Variants in AFF3 observed in about 807,000 individuals in gnomAD.
AFF3 encodes the protein AF4/FMR2 family member 3.
Under a neutral mutation model 129.7 loss-of-function variants are expected in AFF3, and 32 were observed. The observed-to-expected ratio is 0.25, with a 90% CI of 0.19 to 0.33. The LOEUF (loss-of-function observed/expected upper bound fraction) is 0.33. Among genes scored for constraint, AFF3 ranks in the 10% least tolerant of loss-of-function variants. The pLI is 1.00. For synonymous variants in AFF3, 644 were observed against 635.4 expected (o/e 1.01, Z -0.20); for missense variants, 1,373 against 1,592.0 (o/e 0.86, Z 2.34).
intron 7 of AFF3, among the ~76,000 whole-genome samples, chr2:99,979,746 G>A (rs572345908): frequency 1.5e-4 from 23 of 152,228 alleles, no homozygotes; most frequent in African/African-American, 5.3e-4. Flanking sequence ...GCCTCCCAAA[G>A]CACTGGGATT....
intron 7 of AFF3, among the ~76,000 whole-genome samples, chr2:99,947,604 AT>A (rs1559000297): frequency 0.17 from 7,246 of 42,268 alleles, 219 homozygotes; most frequent in Middle Eastern, 0.26. Context: ...AGAAAGAAAG[AT>A]AGATAGATAG....
chr2:99,698,062 GC>G (rs1676476584), intron 11 of AFF3, among the ~76,000 whole-genome samples: 1 of 152,008 alleles, frequency 6.6e-6, no homozygotes, highest in Non-Finnish European at 1.5e-5. Context: ...GTAGAATTGG[GC>G]CACTGCAGAG....
In AFF3 at chr2:99,713,557, T is replaced by C. The variant is rs1318423202; in HGVS notation, c.1091+13520A>G. ...GCTAGGATTACAGACAATTAAAATT[T>C]TAAAAAATTAAATTAAAAAATATTT... On this transcript the variant is annotated intron_variant, in intron 11 of 24. Coordinates refer to ENST00000672756, the MANE Select transcript of AFF3 (RefSeq NM_001386135.1). Among the ~76,000 whole-genome samples, 13 of 150,140 alleles carry C rather than the reference T, an allele frequency of 8.7e-5. 1 individual carries two copies. The highest frequency in any genetic ancestry group is 8.6e-4 in the Admixed American group (13 of 15,042).
At chr2:99,697,121 A>G (rs1053410301) in intron 11 of AFF3, among the ~76,000 whole-genome samples, 1 of 152,224 alleles carries the variant, frequency 6.6e-6, no homozygotes, top group Admixed American at 6.5e-5. Context: ...ATCTCAGTCC[A>G]GGGCAAAAAG....
chr2:99,999,841 A>G (rs1317194678), intron 7 of AFF3, among the ~76,000 whole-genome samples: 1 of 152,214 alleles, frequency 6.6e-6, no homozygotes, highest in Non-Finnish European at 1.5e-5. Context: ...TTCCAGCTCT[A>G]GAACCCACAC....
chr2:99,600,270 G>A (rs2105062667), intron 14 of AFF3, among the ~76,000 whole-genome samples: 1 of 152,280 alleles, frequency 6.6e-6, no homozygotes, highest in South Asian at 2.1e-4. Flanking sequence ...GGGCAGAAAG[G>A]TGCTGAGGAG....
chr2:100,037,522 TTATTTATATATAAA>T (rs1282602367), intron 4 of AFF3, among the ~76,000 whole-genome samples: 29 of 16,502 alleles, frequency 1.8e-3, no homozygotes, highest in African/African-American at 8.8e-3. Context: ...ATTTTATATA[TTATTTATATATAAA>T]TATATATTTA....
At chr2:100,137,257 T>A (rs1692674516) in intron 1 of AFF3, among the ~76,000 whole-genome samples, 2 of 152,216 alleles carry the variant, frequency 1.3e-5, no homozygotes, top group Non-Finnish European at 2.9e-5. Flanking sequence ...AAGAACTTCA[T>A]GATTTCCAGG....
chr2:99,986,200 CAAA>C (rs1679848407), intron 7 of AFF3, among the ~76,000 whole-genome samples: 1 of 110,606 alleles, frequency 9.0e-6, no homozygotes, highest in Admixed American at 9.7e-5. Context: ...GACTTCATCT[CAAA>C]TAATAATAAT....
In AFF3 at chr2:99,587,214, C is replaced by G; in HGVS notation, c.2531G>C (p.Arg844Thr). The G allele has an allele frequency of 1.2e-6, 2 of 1,614,208 alleles. No individual in the cohort carries two copies. Among genetic ancestry groups the G allele is most frequent in the African/African-American group, 2.7e-5 (2 of 75,052 alleles). Residue 844 changes from arginine to threonine, a missense_variant, in exon 16 of 25, where the codon AGA (arginine) becomes ACA (threonine). Arg to Thr is a moderately conservative substitution (Grantham distance 71, BLOSUM62 -1). This residue lies in a region of AFF3 where 466 missense variants were observed against 505.0 expected (regional missense o/e 0.92). Coordinates refer to ENST00000672756, the MANE Select transcript of AFF3 (RefSeq NM_001386135.1). ...AGTATTACTGGTGGAGGTGGCCAGT[C>G]TTGAAGAGCTGTCTTTCTCTCCCTG... ...KSQGEKDSSSRLATSTSNTLS... is the reference protein window; with the variant it reads ...KSQGEKDSSSTLATSTSNTLS...
intron 4 of AFF3, among the ~76,000 whole-genome samples, chr2:100,081,543 T>G (rs1179930499): frequency 1.3e-5 from 2 of 152,148 alleles, no homozygotes; most frequent in African/African-American, 4.8e-5. Flanking sequence ...TCCCCTGACC[T>G]GCACCCCCTC....
intron 7 of AFF3, among the ~76,000 whole-genome samples, chr2:99,925,095 C>G (rs534342674): frequency 4.1e-4 from 62 of 152,106 alleles, no homozygotes; most frequent in African/African-American, 1.4e-3. Flanking sequence ...CTAGGATGGT[C>G]TCGAACTCCT....
intron 4 of AFF3, among the ~76,000 whole-genome samples, chr2:100,101,030 T>C (rs1176469300): frequency 6.6e-6 from 1 of 152,104 alleles, no homozygotes; most frequent in Non-Finnish European, 1.5e-5. Flanking sequence ...AACCAGAAAT[T>C]GGAAGTGGAA....
At chr2:99,643,055 A>ATTTTTTTTTTTT (rs34572652) in intron 13 of AFF3, among the ~76,000 whole-genome samples, 1 of 100,864 alleles carries the variant, frequency 9.9e-6, no homozygotes, top group Non-Finnish European at 1.9e-5. Flanking sequence ...TACTTAAAAG[A>ATTTTTTTTTTTT]TTTTTTTTTT....
chr2:99,617,707 C>T lies in AFF3; in HGVS notation c.1185-16086G>A, dbSNP rs377203562. Among the ~76,000 whole-genome samples, 69 of 152,248 alleles carry T rather than the reference C, an allele frequency of 4.5e-4. No individual in the cohort carries two copies. In the South Asian group the frequency reaches 6.4e-3, roughly 14 times the overall value. On this transcript the variant is annotated intron_variant, in intron 13 of 24. Coordinates refer to ENST00000672756, the MANE Select transcript of AFF3 (RefSeq NM_001386135.1). The stretch of plus-strand genomic sequence containing the variant: ...TTTGTCACTTGTCCTTACTTGACTT[C>T]GCTTAATAGTAACAGATGTTTAAAT...
In AFF3 at chr2:99,626,320, T is replaced by C. The variant is rs565256392; in HGVS notation, c.1184+23306A>G. Among the ~76,000 whole-genome samples the C allele has an allele frequency of 6.3e-4, 37 of 58,578 alleles. 2 individuals carry two copies. In the South Asian group the frequency reaches 0.012, roughly 18 times the overall value. The allele number at this position is 58,578 out of a possible 152,430, so 38.4% of individuals were successfully genotyped here. On this transcript the variant is annotated intron_variant, in intron 13 of 24. Coordinates refer to ENST00000672756, the MANE Select transcript of AFF3 (RefSeq NM_001386135.1). ...CTTTGGAAAGTCTGCCTCCCTCCCT[T>C]CCTTCCTTCCTTCCCTCCTCTCTCT...
chr2:99,551,957 C>T lies in AFF3; in HGVS notation c.3560-362G>A, dbSNP rs554216249. 3.9e-5 allele frequency among the ~76,000 whole-genome samples: 6 copies of T among 152,216 alleles called. No homozygotes were observed. In the South Asian group the frequency reaches 6.2e-4, roughly 16 times the overall value. ...TCACCCTGTACTCAATTCTGGTATGCGCTGAGCCCCTGGAGTGAGTCCAAG... is the reference window on the plus strand; with the variant it reads ...TCACCCTGTACTCAATTCTGGTATGTGCTGAGCCCCTGGAGTGAGTCCAAG... On this transcript the variant is annotated intron_variant, in intron 24 of 24. Coordinates refer to ENST00000672756, the MANE Select transcript of AFF3 (RefSeq NM_001386135.1).
intron 8 of AFF3, among the ~76,000 whole-genome samples, chr2:99,767,629 T>C (rs1015882899): frequency 6.6e-6 from 1 of 152,224 alleles, no homozygotes; most frequent in Admixed American, 6.5e-5. Flanking sequence ...CCATTAAAGC[T>C]GTGCATCAGT....
chr2:99,978,913 A>T (rs902311792), intron 7 of AFF3, among the ~76,000 whole-genome samples: 3 of 150,918 alleles, frequency 2.0e-5, no homozygotes, highest in African/African-American at 7.3e-5. Context: ...TTTACACATC[A>T]CACATACTCA....
Sources: gnomAD v4.1 joint callset for allele counts (sites outside exome capture counted in the v4.1 genomes callset) on GRCh38, gnomAD v4.1.1 for gene constraint, gnomAD v4.1.1 regional missense constraint, MANE v1.5 for transcripts, NCBI Gene and HGNC (gene_info 2026-07-23, HGNC 2026-07-21) for gene names.